The following PRMT3 variants were observed in gnomAD, a reference collection of about 807,000 sequenced individuals.
PRMT3 encodes protein arginine N-methyltransferase 3.
Under a neutral mutation model 71.9 loss-of-function variants are expected in PRMT3, and 62 were observed. The observed-to-expected ratio is 0.86, with a 90% CI of 0.70 to 1.07. The LOEUF (loss-of-function observed/expected upper bound fraction) is 1.07. PRMT3 is among the 50% of genes least tolerant of loss of function. The pLI is 0.00. For synonymous variants in PRMT3, 213 were observed against 220.4 expected (o/e 0.97, Z 0.30); for missense variants, 663 against 643.0 (o/e 1.03, Z -0.34).
chr11:20,443,789 T>C (rs958430586), intron 10 of PRMT3, among the ~76,000 whole-genome samples: 11 of 152,214 alleles, frequency 7.2e-5, no homozygotes, highest in African/African-American at 1.4e-4. Context: ...TGTCAGTCTT[T>C]TGTTGATTAA....
At chr11:20,435,275 C>A (rs1849737793) in intron 10 of PRMT3, among the ~76,000 whole-genome samples, 1 of 152,130 alleles carries the variant, frequency 6.6e-6, no homozygotes, top group African/African-American at 2.4e-5. Flanking sequence ...CATCTCAGCT[C>A]ACCGCAACCT....
chr11:20,445,785 A>G (rs1384857473), intron 10 of PRMT3, among the ~76,000 whole-genome samples: 4 of 152,110 alleles, frequency 2.6e-5, no homozygotes, highest in Non-Finnish European at 5.9e-5. Flanking sequence ...AGTGTAGTTT[A>G]TATTTACCTG....
intron 9 of PRMT3, among the ~76,000 whole-genome samples, chr11:20,421,655 T>C (rs1196014428): frequency 6.6e-6 from 1 of 152,204 alleles, no homozygotes; most frequent in Non-Finnish European, 1.5e-5. Context: ...AGAACCCTCA[T>C]CTAATTTCTC....
intron 11 of PRMT3, among the ~76,000 whole-genome samples, chr11:20,458,333 A>G (rs915620770): frequency 1.3e-5 from 2 of 152,136 alleles, no homozygotes; most frequent in Non-Finnish European, 2.9e-5. Context: ...TTAGTGTCCA[A>G]AAGTTTATGA....
chr11:20,419,437 T>A (rs1410895039), intron 9 of PRMT3, among the ~76,000 whole-genome samples: 1 of 152,248 alleles, frequency 6.6e-6, no homozygotes, highest in Non-Finnish European at 1.5e-5. Flanking sequence ...GAAAGTCTTC[T>A]CTCATTCGTG....
chr11:20,418,604 G>A (rs1283134847), intron 9 of PRMT3, among the ~76,000 whole-genome samples: 5 of 152,106 alleles, frequency 3.3e-5, no homozygotes, highest in African/African-American at 9.7e-5. Context: ...TAACCATTCT[G>A]AAGATATTTT....
chr11:20,431,200 C>A (rs1275616987), intron 10 of PRMT3, among the ~76,000 whole-genome samples: 1 of 152,048 alleles, frequency 6.6e-6, no homozygotes, highest in Non-Finnish European at 1.5e-5. Context: ...TGGCCTCAGA[C>A]ATTTATAATT....
chr11:20,482,969 C>G (rs1195872305), intron 13 of PRMT3, among the ~76,000 whole-genome samples: 1 of 151,900 alleles, frequency 6.6e-6, no homozygotes, highest in African/African-American at 2.4e-5. Context: ...AACAGAAGGG[C>G]TTAGGTGGTG....
intron 13 of PRMT3, among the ~76,000 whole-genome samples, chr11:20,482,053 A>G (rs1186726355): frequency 6.6e-6 from 1 of 152,096 alleles, no homozygotes; most frequent in Non-Finnish European, 1.5e-5. Context: ...ATTTGAACCT[A>G]GTCAGAGAGA....
intron 11 of PRMT3, among the ~76,000 whole-genome samples, chr11:20,454,644 AC>A (rs1349935933): frequency 3.9e-5 from 6 of 152,144 alleles, no homozygotes; most frequent in Admixed American, 6.5e-5. Context: ...GATGCGTATC[AC>A]CAGTCATTTA....
chr11:20,389,733 T>G lies in PRMT3; in HGVS notation c.165-11T>G. On this transcript the variant is annotated splice_polypyrimidine_tract_variant and intron_variant, in intron 2 of 15. Coordinates refer to ENST00000331079, the MANE Select transcript of PRMT3 (RefSeq NM_005788.4). Reference sequence around the variant, plus strand: ...GGGACTATTCCATGAAGCTATTGCTTGATTTTTCAGGTTATTCACATCTGC... The same window carrying G: ...GGGACTATTCCATGAAGCTATTGCTGGATTTTTCAGGTTATTCACATCTGC... 2 of 1,593,988 alleles carry G rather than the reference T, an allele frequency of 1.3e-6. No individual in the cohort carries two copies. The highest frequency in any genetic ancestry group is 1.7e-6 in the Non-Finnish European group (2 of 1,163,278).
intron 9 of PRMT3, among the ~76,000 whole-genome samples, chr11:20,413,307 A>G (rs1849234171): frequency 6.6e-6 from 1 of 152,200 alleles, no homozygotes. Flanking sequence ...TTAATTGTTA[A>G]TATCACTGCA....
intron 9 of PRMT3, among the ~76,000 whole-genome samples, chr11:20,416,746 A>G (rs1318551730): frequency 6.6e-6 from 1 of 152,158 alleles, no homozygotes; most frequent in Non-Finnish European, 1.5e-5. Context: ...GTAAATAAAG[A>G]TGATACATTT....
chr11:20,468,122 C>T (rs1328946254), intron 13 of PRMT3, among the ~76,000 whole-genome samples: 1 of 151,968 alleles, frequency 6.6e-6, no homozygotes, highest in Non-Finnish European at 1.5e-5. Context: ...TTTGAAAAAG[C>T]CTAGTAAAGG....
intron 9 of PRMT3, among the ~76,000 whole-genome samples, chr11:20,420,676 T>C (rs768370038): frequency 2.0e-5 from 3 of 152,190 alleles, no homozygotes; most frequent in Admixed American, 6.5e-5. Context: ...ATGGAAAGAT[T>C]GTCTTCCACG....
intron 9 of PRMT3, among the ~76,000 whole-genome samples, chr11:20,413,933 C>T (rs949532616): frequency 2.6e-5 from 4 of 152,112 alleles, no homozygotes; most frequent in Admixed American, 2.6e-4. Context: ...AGTCTATATA[C>T]AGCAGAATGT....
chr11:20,393,443 T>G (rs1848760316), intron 5 of PRMT3, among the ~76,000 whole-genome samples: 1 of 152,220 alleles, frequency 6.6e-6, no homozygotes, highest in African/African-American at 2.4e-5. Flanking sequence ...TTGTCTGGTT[T>G]TGCCTTTAAT....
At chr11:20,462,219 G>T in intron 12 of PRMT3, 52 bp downstream of exon 12, 1 of 1,385,794 alleles carries the variant, frequency 7.2e-7, no homozygotes. Flanking sequence ...ATTTTTCTTA[G>T]TTCAGCATTT....
At chr11:20,462,279 C>T in intron 12 of PRMT3, 112 bp downstream of exon 12, 1 of 839,794 alleles carries the variant, frequency 1.2e-6, no homozygotes, top group Non-Finnish European at 1.8e-6. Context: ...AGTACTTTTC[C>T]CATTGTAATC....
Sources: allele counts gnomAD v4.1 joint callset (sites outside exome capture counted in the v4.1 genomes callset), GRCh38; gene constraint gnomAD v4.1.1; transcripts MANE v1.5; gene names NCBI Gene and HGNC (gene_info 2026-07-23, HGNC 2026-07-21).